GARNL3: variants seen among roughly 807,000 people sequenced by gnomAD.
The protein encoded by GARNL3 is GTPase activating Rap/RanGAP domain like 3.
Under a neutral mutation model 125.0 loss-of-function variants are expected in GARNL3, and 63 were observed. That is an observed-to-expected ratio of 0.50 (90% confidence interval 0.41 to 0.62). GARNL3 has a LOEUF of 0.62. GARNL3 is among the 20% of genes least tolerant of loss of function. The pLI is 0.00. For synonymous variants in GARNL3, 439 were observed against 457.5 expected (o/e 0.96, Z 0.52); for missense variants, 994 against 1,244.0 (o/e 0.80, Z 3.02).
At chr9:127,351,398 A>G (rs750942729) in intron 17 of GARNL3, among the ~76,000 whole-genome samples, 2 of 151,834 alleles carry the variant, frequency 1.3e-5, no homozygotes, top group African/African-American at 4.8e-5. Context: ...GTTTACACCC[A>G]CCATTGCTTT....
chr9:127,282,063 G>C (rs771166490), intron 1 of GARNL3, among the ~76,000 whole-genome samples: 3 of 152,160 alleles, frequency 2.0e-5, no homozygotes, highest in African/African-American at 7.2e-5. Context: ...TTTGTCTGTT[G>C]TTATGGCATT....
intron 1 of GARNL3, among the ~76,000 whole-genome samples, chr9:127,279,418 T>G (rs2064046498): frequency 6.6e-6 from 1 of 152,214 alleles, no homozygotes; most frequent in African/African-American, 2.4e-5. Flanking sequence ...GTCTTTTCTT[T>G]CTTTTTATTT....
chr9:127,367,612 G>C (rs1033477150), intron 22 of GARNL3, among the ~76,000 whole-genome samples: 1 of 152,104 alleles, frequency 6.6e-6, no homozygotes, highest in Non-Finnish European at 1.5e-5. Flanking sequence ...GTCTTTAACT[G>C]TTTAAAAAGA....
intron 2 of GARNL3, among the ~76,000 whole-genome samples, chr9:127,310,168 A>G (rs997876894): frequency 2.0e-5 from 3 of 152,250 alleles, no homozygotes; most frequent in African/African-American, 7.2e-5. Flanking sequence ...AACTATAAAA[A>G]TGAAGCATCT....
intron 2 of GARNL3, among the ~76,000 whole-genome samples, chr9:127,304,660 C>G (rs144831672): frequency 1.3e-5 from 2 of 151,566 alleles, no homozygotes; most frequent in Non-Finnish European, 2.9e-5. Flanking sequence ...CTCAGCCTCC[C>G]GAGTAGCTGG....
chr9:127,353,866 G>C lies in GARNL3; in HGVS notation c.1564G>C (p.Val522Leu). The C allele has an allele frequency of 6.2e-7, 1 of 1,613,100 alleles. No homozygotes were observed. Residue 522 changes from valine to leucine, a missense_variant, in exon 18 of 28, where the codon GTG becomes CTG. Around this residue, in one of 5 missense-constraint regions of GARNL3, gnomAD observed 728 missense variants for 865.7 expected, o/e 0.84. Transcript: ENST00000373387. The stretch of plus-strand genomic sequence containing the variant: ...TCCAGATGACCTTCCATCAGTGCCC[G>C]TGTTTGACAGAACTCTGCCAGTGAA... ...LVDDDLPSVP[V>L]FDRTLPVKQM...
rs112652526 is a variant in GARNL3, at chr9:127,350,903, G to A, written c.1543+1868G>A. On this transcript the variant is annotated intron_variant, in intron 17 of 27. Coordinates refer to ENST00000373387, the MANE Select transcript of GARNL3 (RefSeq NM_032293.5). Reference sequence around the variant, plus strand: ...TGTTAGTTTTATTGATGAACAAGCTGAGGCCTAAATAAATGATATGAGTTA... The same window carrying A: ...TGTTAGTTTTATTGATGAACAAGCTAAGGCCTAAATAAATGATATGAGTTA... 9.9e-4 allele frequency among the ~76,000 whole-genome samples: 150 copies of A among 152,248 alleles called. 1 individual carries two copies. The highest frequency in any genetic ancestry group is 3.4e-3 in the African/African-American group (143 of 41,536).
At position 127,390,739 on chromosome 9, in the gene GARNL3, G is replaced by T; in HGVS notation, c.2842G>T (p.Gly948Trp). 1.2e-6 allele frequency: 2 copies of T among 1,613,922 alleles called. No individual in the cohort carries two copies. Among genetic ancestry groups the T allele is most frequent in the South Asian group, 2.2e-5 (2 of 91,074 alleles). Residue 948 changes from glycine to tryptophan, a missense_variant, in exon 27 of 28, where the codon GGG (glycine) becomes TGG (tryptophan). This residue lies in a region of GARNL3 where 728 missense variants were observed against 865.7 expected (regional missense o/e 0.84). Coordinates refer to ENST00000373387, the MANE Select transcript of GARNL3 (RefSeq NM_032293.5). The stretch of plus-strand genomic sequence containing the variant: ...AGAAAGCCAAGGAGGCCCCAAGCCA[G>T]GGGCAGTGAGGTCATCTAGCAGTGA... ...LEESQGGPKP[G>W]AVRSSSSDRI...
At chr9:127,250,081 CA>C (rs922572270) in intron 2 of GARNL3, among the ~76,000 whole-genome samples, 3 of 152,010 alleles carry the variant, frequency 2.0e-5, no homozygotes, top group Admixed American at 6.5e-5. Context: ...ATGAAAAGAA[CA>C]AGGAGTGGGA....
intron 2 of GARNL3, among the ~76,000 whole-genome samples, chr9:127,308,581 A>G (rs1337667492): frequency 6.6e-6 from 1 of 152,338 alleles, no homozygotes; most frequent in African/African-American, 2.4e-5. Context: ...AAAAATGTCA[A>G]TGTCATAAAG....
In GARNL3 at chr9:127,383,399, GTC is replaced by G. The variant is rs1832373552; in HGVS notation, c.2162-35_2162-34del. 3.1e-6 allele frequency: 4 copies of G among 1,280,222 alleles called. No individual in the cohort carries two copies. The East Asian group carries it at 9.3e-5, about 30-fold the overall frequency. The allele number at this position is 1,280,222 out of a possible 1,614,324, so 79.3% of individuals were successfully genotyped here. A position where few individuals can be genotyped will look rare whatever the true frequency, so the allele number is the denominator to read the frequency against. ...CTTTAATTACAGTCATCTAAGTGTTGTCTCTAACAAAAATGAGTTGCTGTTGT... is the reference window on the plus strand; with the variant it reads ...CTTTAATTACAGTCATCTAAGTGTTGTCTAACAAAAATGAGTTGCTGTTGT... On this transcript the variant is annotated intron_variant, in intron 22 of 27. Transcript: ENST00000373387.
chr9:127,255,271 T>C (rs1416722186), intron 2 of GARNL3, among the ~76,000 whole-genome samples: 1 of 152,198 alleles, frequency 6.6e-6, no homozygotes, highest in Non-Finnish European at 1.5e-5. Context: ...ATGGAGGATA[T>C]TGATGCAGCA....
chr9:127,301,717 C>G (rs1398362434), intron 2 of GARNL3, among the ~76,000 whole-genome samples: 1 of 152,038 alleles, frequency 6.6e-6, no homozygotes, highest in African/African-American at 2.4e-5. Context: ...TTAGCTAACC[C>G]ACTAAGCAGC....
At chr9:127,357,120 G>A (rs991096740) in intron 20 of GARNL3, 99 bp from the exon 21 acceptor site, 16 of 1,209,968 alleles carry the variant, frequency 1.3e-5, no homozygotes, top group Non-Finnish European at 1.8e-5. Context: ...GCCTGGAGAG[G>A]GTGCCTTCTC....
At chr9:127,309,019 A>T (rs934640343) in intron 2 of GARNL3, among the ~76,000 whole-genome samples, 2 of 152,196 alleles carry the variant, frequency 1.3e-5, no homozygotes, top group African/African-American at 4.8e-5. Context: ...TAAATTTAAA[A>T]TTATTTCCAA....
chr9:127,240,053 A>G (rs1034077713), intron 1 of GARNL3, among the ~76,000 whole-genome samples: 3 of 152,262 alleles, frequency 2.0e-5, no homozygotes, highest in East Asian at 1.9e-4. Flanking sequence ...GGATGCATGT[A>G]TATTTACTGA....
At chr9:127,327,930 T>C (rs1468940103) in intron 7 of GARNL3, among the ~76,000 whole-genome samples, 1 of 152,228 alleles carries the variant, frequency 6.6e-6, no homozygotes, top group East Asian at 1.9e-4. Flanking sequence ...ATTAGGATTA[T>C]ATATAGCTTT....
At chr9:127,323,242 T>G (rs1030561179) in intron 6 of GARNL3, among the ~76,000 whole-genome samples, 1 of 152,216 alleles carries the variant, frequency 6.6e-6, no homozygotes, top group African/African-American at 2.4e-5. Context: ...AAAAGAGGAC[T>G]TCCGATGCTC....
intron 22 of GARNL3, among the ~76,000 whole-genome samples, chr9:127,371,021 C>T (rs1351761004): frequency 6.6e-6 from 1 of 152,232 alleles, no homozygotes; most frequent in Non-Finnish European, 1.5e-5. Flanking sequence ...ATGTGCTCCT[C>T]CTCTGATGTG....
Sources: gnomAD v4.1 joint callset for allele counts (sites outside exome capture counted in the v4.1 genomes callset) on GRCh38, gnomAD v4.1.1 for gene constraint, gnomAD v4.1.1 regional missense constraint, MANE v1.5 for transcripts, NCBI Gene and HGNC (gene_info 2026-07-23, HGNC 2026-07-21) for gene names.